The following LARP4B variants were observed in gnomAD, a reference collection of about 807,000 sequenced individuals.
LARP4B encodes la-related protein 4B.
A neutral mutation model predicts 89.8 loss-of-function variants in LARP4B; 12 were observed. The observed-to-expected ratio is 0.13, with a 90% CI of 0.09 to 0.22. The LOEUF is 0.22. Among genes scored for constraint, LARP4B ranks in the 10% least tolerant of loss-of-function variants. LARP4B has a pLI of 1.00. For missense variants in LARP4B, 757 were observed against 947.7 expected, an observed-to-expected ratio of 0.80 and a Z score of 2.64; for synonymous variants, 367 against 363.3, an observed-to-expected ratio of 1.01 and a Z score of -0.12.
intron 2 of LARP4B, among the ~76,000 whole-genome samples, chr10:884,784 A>G (rs1413924649): frequency 6.6e-6 from 1 of 152,236 alleles, no homozygotes; most frequent in Non-Finnish European, 1.5e-5. Flanking sequence ...ACTGCTTGAC[A>G]TAAAATGTTT....
intron 7 of LARP4B, among the ~76,000 whole-genome samples, chr10:840,522 A>G (rs1442421061): frequency 6.6e-6 from 1 of 152,220 alleles, no homozygotes; most frequent in African/African-American, 2.4e-5. Context: ...GGCCTAGCTC[A>G]CTGTAACAGC....
intron 1 of LARP4B, among the ~76,000 whole-genome samples, chr10:922,744 T>C (rs893521780): frequency 1.3e-5 from 2 of 151,964 alleles, no homozygotes; most frequent in African/African-American, 2.4e-5. Flanking sequence ...GTATGGATAT[T>C]AACCACAGAG....
At chr10:978,357 G>A in the LARP4B span, among the ~76,000 whole-genome samples, 1 of 152,008 alleles carries the variant, frequency 6.6e-6, no homozygotes, top group Non-Finnish European at 1.5e-5. Context: ...TTACGTTATT[G>A]GTTTACATTA....
chr10:957,738 C>T, the LARP4B span, among the ~76,000 whole-genome samples: 3 of 151,316 alleles, frequency 2.0e-5, no homozygotes, highest in Admixed American at 6.6e-5. Flanking sequence ...TTTTGAATCA[C>T]GCTTAGAGAT....
chr10:925,965 C>A (rs986163330), intron 1 of LARP4B, among the ~76,000 whole-genome samples: 1 of 152,206 alleles, frequency 6.6e-6, no homozygotes. Flanking sequence ...GTAAATATAA[C>A]TTTTATACTC....
At chr10:895,942 C>T (rs1224012390) in intron 1 of LARP4B, among the ~76,000 whole-genome samples, 2 of 152,186 alleles carry the variant, frequency 1.3e-5, no homozygotes, top group African/African-American at 2.4e-5. Context: ...TTTTATTACA[C>T]GTCTTCATAA....
intron 15 of LARP4B, among the ~76,000 whole-genome samples, chr10:816,949 C>T (rs748112): frequency 0.35 from 53,590 of 152,006 alleles, 10,531 homozygotes; most frequent in South Asian, 0.46. Context: ...GCAAGCAGCA[C>T]GGTCATGTGG....
intron 3 of LARP4B, among the ~76,000 whole-genome samples, chr10:872,392 C>T (rs1554801520): frequency 6.6e-6 from 1 of 152,230 alleles, no homozygotes; most frequent in Non-Finnish European, 1.5e-5. Flanking sequence ...AAGAGCAACA[C>T]TCTCCTCTTG....
chr10:892,564 G>A (rs967218297), intron 1 of LARP4B, among the ~76,000 whole-genome samples: 2 of 151,312 alleles, frequency 1.3e-5, no homozygotes, highest in Admixed American at 1.3e-4. Context: ...TTTTGAGATA[G>A]AGTATCGCTC....
intron 1 of LARP4B, among the ~76,000 whole-genome samples, chr10:886,570 G>T (rs1004373390): frequency 6.6e-6 from 1 of 152,110 alleles, no homozygotes; most frequent in Admixed American, 6.5e-5. Flanking sequence ...ATGGACAAAC[G>T]GATATAGAAA....
chr10:972,307 C>T, the LARP4B span: 4 of 367,602 alleles, frequency 1.1e-5, no homozygotes, highest in African/African-American at 2.1e-5. Context: ...GGATTAGAGG[C>T]GTGAGCAACC....
At chr10:980,989 A>G in the LARP4B span, among the ~76,000 whole-genome samples, 2 of 152,366 alleles carry the variant, frequency 1.3e-5, no homozygotes, top group African/African-American at 4.8e-5. Flanking sequence ...CATCTGAGGT[A>G]AGCTGTTAGA....
chr10:865,005 G>A (rs188381814), intron 3 of LARP4B, among the ~76,000 whole-genome samples: 14 of 152,300 alleles, frequency 9.2e-5, no homozygotes, highest in African/African-American at 2.9e-4. Context: ...AAAAGGTGTA[G>A]AAGATGAAAA....
intron 1 of LARP4B, among the ~76,000 whole-genome samples, chr10:900,220 G>A (rs1374600461): frequency 1.3e-5 from 2 of 151,952 alleles, no homozygotes; most frequent in Non-Finnish European, 2.9e-5. Context: ...GGTGGCATGC[G>A]CCTGTAATCT....
upstream of LARP4B, among the ~76,000 whole-genome samples, chr10:932,199 C>T (rs1830652218): frequency 7.1e-6 from 1 of 139,996 alleles, no homozygotes. Flanking sequence ...CCCCTCATCC[C>T]ACCCCCAGGA....
chr10:946,954 C>T, the LARP4B span, among the ~76,000 whole-genome samples: 1 of 152,138 alleles, frequency 6.6e-6, no homozygotes, highest in Non-Finnish European at 1.5e-5. Flanking sequence ...TTGCAACCTC[C>T]ACCTCCTGGG....
At chr10:971,636 A>G in the LARP4B span, 1 of 152,288 alleles carries the variant, frequency 6.6e-6, no homozygotes, top group African/African-American at 2.4e-5. Context: ...TAGCTTCTGT[A>G]TTAGATATTA....
intron 1 of LARP4B, among the ~76,000 whole-genome samples, chr10:892,400 A>T (rs988628306): frequency 1.3e-5 from 2 of 152,232 alleles, no homozygotes; most frequent in African/African-American, 2.4e-5. Flanking sequence ...CTTTTCATGT[A>T]CACCAGAAAT....
chr10:911,078 C>G (rs1836652655), intron 1 of LARP4B, among the ~76,000 whole-genome samples: 1 of 152,172 alleles, frequency 6.6e-6, no homozygotes, highest in South Asian at 2.1e-4. Context: ...TGTGTGTGCA[C>G]TTAGGGGGCA....
Sources: gnomAD v4.1 joint callset for allele counts (sites outside exome capture counted in the v4.1 genomes callset) on GRCh38, gnomAD v4.1.1 for gene constraint, MANE v1.5 for transcripts, NCBI Gene and HGNC (gene_info 2026-07-23, HGNC 2026-07-21) for gene names.